The following ANK3 variants were observed in gnomAD, a reference collection of about 807,000 sequenced individuals.
ANK3 encodes ankyrin-3.
Under a neutral mutation model 370.9 loss-of-function variants are expected in ANK3, and 57 were observed. The ratio of observed to expected loss-of-function variants is 0.15; its 90% CI spans 0.12 to 0.19. ANK3 has a LOEUF of 0.19. ANK3 is among the 10% of genes least tolerant of loss of function. The pLI is 1.00. For missense variants in ANK3, 4,439 were observed against 5,302.1 expected, an observed-to-expected ratio of 0.84 and a Z score of 5.06; for synonymous variants, 1,929 against 1,946.3, an observed-to-expected ratio of 0.99 and a Z score of 0.23.
intron 23 of ANK3, among the ~76,000 whole-genome samples, chr10:60,162,876 A>G (rs1361669561): frequency 1.3e-5 from 2 of 152,086 alleles, no homozygotes; most frequent in Non-Finnish European, 2.9e-5. Context: ...TCTCCCATCT[A>G]TAGTTCTTTC....
rs112772992 is a variant in ANK3, at chr10:60,068,986, A to G, written c.11895T>C (p.Thr3965=). 1.8e-5 allele frequency: 29 copies of G among 1,613,110 alleles called. 3 individuals carry two copies. Among genetic ancestry groups the G allele is most frequent in the African/African-American group, 1.5e-4 (11 of 74,758 alleles). The change falls in exon 37 of 44, where the codon ACT becomes ACC. Residue 3965 remains threonine, a synonymous_variant. Transcript: ENST00000280772. ...TGGTGGTAGTGGTGGTGGTGGTGGC[A>G]GTGGTGGTGGTGGTAGTGACACAGG... ...RSTCVTTTTT[T]ATTTTTTTTT...
intron 34 of ANK3, 39 bp from the exon 35 acceptor site, chr10:60,082,215 T>C (rs1407731769): frequency 2.4e-5 from 38 of 1,552,830 alleles, no homozygotes; most frequent in Non-Finnish European, 3.3e-5. Flanking sequence ...CAAGGAATAT[T>C]ATAATGGACA....
At chr10:60,456,149 G>A (rs1321605939) in intron 2 of ANK3, among the ~76,000 whole-genome samples, 1 of 152,156 alleles carries the variant, frequency 6.6e-6, no homozygotes, top group African/African-American at 2.4e-5. Context: ...CCTGCCGTGG[G>A]GTTTTCTTCT....
At chr10:60,547,883 C>T (rs1011517410) in intron 2 of ANK3, among the ~76,000 whole-genome samples, 7 of 152,094 alleles carry the variant, frequency 4.6e-5, no homozygotes, top group African/African-American at 1.2e-4. Context: ...AAGGTTGTAG[C>T]CATCTGGACA....
intron 1 of ANK3, among the ~76,000 whole-genome samples, chr10:60,344,094 G>T (rs2054874343): frequency 6.6e-6 from 1 of 152,200 alleles, no homozygotes; most frequent in South Asian, 2.1e-4. Flanking sequence ...ATAGAAGCAG[G>T]CCTTGCCTGC....
chr10:60,083,466 C>A (rs758779521), intron 33 of ANK3, 26 bp downstream of exon 33: 1 of 1,596,868 alleles, frequency 6.3e-7, no homozygotes, highest in South Asian at 1.1e-5. Flanking sequence ...CCATAATTCA[C>A]AGATTCTCTG....
intron 28 of ANK3, among the ~76,000 whole-genome samples, chr10:60,098,075 C>A (rs905271647): frequency 6.6e-6 from 1 of 152,146 alleles, no homozygotes; most frequent in Non-Finnish European, 1.5e-5. Flanking sequence ...CAGGCAAGTT[C>A]CTGAACTTCT....
At chr10:60,104,405 G>A (rs34469309) in intron 28 of ANK3, among the ~76,000 whole-genome samples, 102 of 87,942 alleles carry the variant, frequency 1.2e-3, no homozygotes, top group Middle Eastern at 6.1e-3. Context: ...AACAAAGAAA[G>A]AAAGAAAAGA....
chr10:60,517,752 GAGAA>G (rs1164512406), intron 2 of ANK3, among the ~76,000 whole-genome samples: 1 of 136,044 alleles, frequency 7.4e-6, no homozygotes, highest in Admixed American at 7.3e-5. Context: ...TTAAAAAAGA[GAGAA>G]AGAGAGAGAG....
Position 60,138,313 on chromosome 10 carries a change from T to C in ANK3, c.2738+651A>G, listed in dbSNP as rs79841124. Among the ~76,000 whole-genome samples the C allele has an allele frequency of 6.4e-4, 97 of 152,364 alleles. No homozygotes were observed. In the East Asian group the frequency reaches 0.016, roughly 26 times the overall value. On this transcript the variant is annotated intron_variant, in intron 24 of 43. Transcript: ENST00000280772. ...TGCACAAGGTTCTGTTTCTTTCAAC[T>C]AGTTTAAGAAAAGTTTGAGTCAAGG...
chr10:60,693,828 A>G (rs1301961875), intron 1 of ANK3, among the ~76,000 whole-genome samples: 1 of 152,230 alleles, frequency 6.6e-6, no homozygotes, highest in Non-Finnish European at 1.5e-5. Flanking sequence ...TGGAAACTCT[A>G]AAATGCAGAG....
intron 2 of ANK3, among the ~76,000 whole-genome samples, chr10:60,594,569 A>C (rs2077961113): frequency 6.6e-6 from 1 of 152,110 alleles, no homozygotes; most frequent in African/African-American, 2.4e-5. Flanking sequence ...TAGTTTTTGC[A>C]TTTCAACCTA....
chr10:60,644,271 A>G (rs1414768347), intron 1 of ANK3, among the ~76,000 whole-genome samples: 1 of 152,230 alleles, frequency 6.6e-6, no homozygotes, highest in Non-Finnish European at 1.5e-5. Context: ...AGGAGAACAT[A>G]GCATCTGCCC....
At position 60,201,765 on chromosome 10, in the gene ANK3, G is replaced by A. The variant is rs147253678; in HGVS notation, c.1392+1237C>T. On this transcript the variant is annotated intron_variant, in intron 12 of 43. Transcript: ENST00000280772. ...CTCACTCTGTTGCCCAGTCTAGAGT[G>A]CAGTGGCATGATCTTGGCTTACTGC... is the stretch of plus-strand genomic sequence containing the variant. Among the ~76,000 whole-genome samples, 647 of 145,498 alleles carry A rather than the reference G, an allele frequency of 4.4e-3. 7 individuals carry two copies. The highest frequency in any genetic ancestry group is 0.019 in the Middle Eastern group (5 of 268).
chr10:60,499,778 G>A (rs1471856718), intron 2 of ANK3, among the ~76,000 whole-genome samples: 1 of 152,004 alleles, frequency 6.6e-6, no homozygotes, highest in Non-Finnish European at 1.5e-5. Context: ...AATGTTTTGT[G>A]GTAAAAATTT....
chr10:60,103,596 A>G (rs2091686210), intron 28 of ANK3, among the ~76,000 whole-genome samples: 1 of 152,170 alleles, frequency 6.6e-6, no homozygotes, highest in African/African-American at 2.4e-5. Flanking sequence ...TTGGCATACA[A>G]TTTGATTAAC....
At chr10:60,310,374 A>C (rs1566476724) in intron 1 of ANK3, among the ~76,000 whole-genome samples, 1 of 152,334 alleles carries the variant, frequency 6.6e-6, no homozygotes, top group East Asian at 1.9e-4. Context: ...CTTCATCCAC[A>C]AATAAAAGGA....
chr10:60,371,721 T>C (rs901962227), intron 1 of ANK3, among the ~76,000 whole-genome samples: 10 of 152,228 alleles, frequency 6.6e-5, no homozygotes, highest in Admixed American at 6.5e-4. Context: ...AAATTTGTTA[T>C]TCTGAACTAT....
chr10:60,060,070 G>A (rs757576183), intron 40 of ANK3: 1 of 1,247,550 alleles, frequency 8.0e-7, no homozygotes, highest in Admixed American at 2.7e-5. Flanking sequence ...AAAAACACAT[G>A]GAATGACTAA....
Sources: allele counts gnomAD v4.1 joint callset (sites outside exome capture counted in the v4.1 genomes callset), GRCh38; gene constraint gnomAD v4.1.1; transcripts MANE v1.5; gene names NCBI Gene and HGNC (gene_info 2026-07-23, HGNC 2026-07-21).